SGCZ: variants seen among roughly 807,000 people sequenced by gnomAD.
The protein encoded by SGCZ is sarcoglycan zeta.
In SGCZ, 40 loss-of-function variants were observed where a neutral mutation model predicts 41.3. That is an observed-to-expected ratio of 0.97 (90% CI 0.75 to 1.26). The LOEUF (loss-of-function observed/expected upper bound fraction) is 1.26. Ranked by LOEUF, SGCZ falls within the 50% of genes most tolerant of loss-of-function variation. The probability of loss-of-function intolerance (pLI) is 0.00; values close to 1 mark genes in which losing one functional copy is unlikely to be tolerated. For synonymous variants in SGCZ, 206 were observed against 137.5 expected, an observed-to-expected ratio of 1.50 and a Z score of -3.49; for missense variants, 552 against 369.8, an observed-to-expected ratio of 1.49 and a Z score of -4.04.
intron 1 of SGCZ, among the ~76,000 whole-genome samples, chr8:14,802,527 T>C (rs575682256): frequency 3.3e-5 from 5 of 152,198 alleles, no homozygotes; most frequent in Non-Finnish European, 4.4e-5. Flanking sequence ...CACCATTTAA[T>C]TAAAATCAGT....
intron 7 of SGCZ, among the ~76,000 whole-genome samples, chr8:14,094,461 T>A (rs1801782756): frequency 6.6e-6 from 1 of 152,148 alleles, no homozygotes; most frequent in Non-Finnish European, 1.5e-5. Context: ...GCAAAGGACA[T>A]GAACTCATCC....
At chr8:14,153,062 G>A (rs1803758920) in intron 5 of SGCZ, among the ~76,000 whole-genome samples, 1 of 152,080 alleles carries the variant, frequency 6.6e-6, no homozygotes, top group Non-Finnish European at 1.5e-5. Context: ...AAAGACAAGG[G>A]ATGCCCACAG....
chr8:14,637,474 C>T (rs74579775), intron 1 of SGCZ, among the ~76,000 whole-genome samples: 16,734 of 151,768 alleles, frequency 0.11, 1,093 homozygotes, highest in African/African-American at 0.19. Flanking sequence ...TCTCTCCCTC[C>T]TACCTGCCTC....
intron 5 of SGCZ, among the ~76,000 whole-genome samples, chr8:14,133,212 A>G (rs937787836): frequency 3.3e-5 from 5 of 152,254 alleles, no homozygotes; most frequent in African/African-American, 9.6e-5. Context: ...AGCTTTCTCA[A>G]TCGCCCACCC....
rs192594961 is a variant in SGCZ, at chr8:15,030,972, T to C, written c.39+206613A>G. Among the ~76,000 whole-genome samples the C allele has an allele frequency of 1.6e-3, 238 of 152,248 alleles. 2 individuals are homozygous for C. In the Middle Eastern group the frequency reaches 0.027, roughly 17 times the overall value. On this transcript the variant is annotated intron_variant, in intron 1 of 7. Coordinates refer to ENST00000382080, the MANE Select transcript of SGCZ (RefSeq NM_139167.4). Reference sequence around the variant, plus strand: ...ACACCAATTTTTATTTTGGAGATTATATATGTAGACAAGTTTCCTGGAGGA... The same window carrying C: ...ACACCAATTTTTATTTTGGAGATTACATATGTAGACAAGTTTCCTGGAGGA...
At chr8:14,700,873 G>T (rs370450346) in intron 1 of SGCZ, among the ~76,000 whole-genome samples, 1 of 144,614 alleles carries the variant, frequency 6.9e-6, no homozygotes, top group South Asian at 2.3e-4. Flanking sequence ...TATTAAAGGA[G>T]GACTGAAAAA....
intron 1 of SGCZ, among the ~76,000 whole-genome samples, chr8:14,776,250 C>T (rs1800397512): frequency 6.6e-6 from 1 of 152,066 alleles, no homozygotes; most frequent in East Asian, 1.9e-4. Flanking sequence ...AATGGTGGGG[C>T]CACATGGAGA....
intron 1 of SGCZ, among the ~76,000 whole-genome samples, chr8:14,942,855 C>T (rs1042519352): frequency 8.6e-5 from 13 of 152,046 alleles, no homozygotes; most frequent in African/African-American, 2.7e-4. Context: ...CATCTTATTA[C>T]CCTCATTTCC....
At chr8:14,239,032 G>C (rs1806872781) in intron 3 of SGCZ, among the ~76,000 whole-genome samples, 1 of 150,164 alleles carries the variant, frequency 6.7e-6, no homozygotes, top group Non-Finnish European at 1.5e-5. Context: ...AAAAAGTCTA[G>C]TTTTTTTTTC....
chr8:14,896,526 G>T (rs896906930), intron 1 of SGCZ, among the ~76,000 whole-genome samples: 5 of 151,980 alleles, frequency 3.3e-5, no homozygotes, highest in Non-Finnish European at 5.9e-5. Flanking sequence ...ATCCAAGCTT[G>T]AGTGCAGCGG....
At chr8:15,060,025 G>A (rs534604216) in intron 1 of SGCZ, among the ~76,000 whole-genome samples, 3 of 152,144 alleles carry the variant, frequency 2.0e-5, no homozygotes, top group Non-Finnish European at 2.9e-5. Context: ...GCCATTCTCA[G>A]GGCTTTGTTT....
intron 1 of SGCZ, among the ~76,000 whole-genome samples, chr8:14,945,928 C>G (rs1353736055): frequency 7.1e-6 from 1 of 140,416 alleles, no homozygotes; most frequent in African/African-American, 2.7e-5. Flanking sequence ...TATTGGCATG[C>G]CAGATTGCAG....
At chr8:15,022,199 C>T (rs1440791792) in intron 1 of SGCZ, among the ~76,000 whole-genome samples, 3 of 152,052 alleles carry the variant, frequency 2.0e-5, no homozygotes, top group African/African-American at 4.8e-5. Context: ...TTTATACTTT[C>T]ATTTTGTTCA....
intron 1 of SGCZ, among the ~76,000 whole-genome samples, chr8:14,759,180 T>A (rs959384706): frequency 6.6e-6 from 1 of 152,008 alleles, no homozygotes; most frequent in Non-Finnish European, 1.5e-5. Context: ...AAAACACAAT[T>A]TACATCTATG....
intron 1 of SGCZ, among the ~76,000 whole-genome samples, chr8:14,846,948 T>C (rs1031017532): frequency 6.6e-6 from 1 of 152,018 alleles, no homozygotes; most frequent in Non-Finnish European, 1.5e-5. Context: ...GGCACATGCC[T>C]GTAATCCCAG....
chr8:14,919,690 G>A (rs1261283017), intron 1 of SGCZ, among the ~76,000 whole-genome samples: 1 of 152,166 alleles, frequency 6.6e-6, no homozygotes, highest in Non-Finnish European at 1.5e-5. Flanking sequence ...GGACGAGGCA[G>A]GCAGATCACT....
rs1043222337 is a variant in SGCZ, at chr8:15,110,274, G to T, written c.39+127311C>A. Among the ~76,000 whole-genome samples, 20 of 152,136 alleles carry T rather than the reference G, an allele frequency of 1.3e-4. 1 individual carries two copies. Among genetic ancestry groups the T allele is most frequent in the African/African-American group, 4.8e-4 (20 of 41,442 alleles). On this transcript the variant is annotated intron_variant, in intron 1 of 7. Transcript: ENST00000382080. ...CAGAACTCCACCATTGCATCAAAAA[G>T]ACTCTTACAGTGTCAGTATTATCTG...
chr8:15,006,869 C>T (rs1048565249), intron 1 of SGCZ, among the ~76,000 whole-genome samples: 6 of 152,142 alleles, frequency 3.9e-5, no homozygotes, highest in African/African-American at 9.7e-5. Context: ...CCTCTTTATA[C>T]ATTTTTGTAA....
intron 3 of SGCZ, among the ~76,000 whole-genome samples, chr8:14,255,570 G>C (rs765749115): frequency 1.3e-5 from 2 of 151,834 alleles, no homozygotes; most frequent in African/African-American, 2.4e-5. Flanking sequence ...AAAAGACAAA[G>C]TATAAATTTA....
Sources: gnomAD v4.1 joint callset for allele counts (sites outside exome capture counted in the v4.1 genomes callset) on GRCh38, gnomAD v4.1.1 for gene constraint, MANE v1.5 for transcripts, NCBI Gene and HGNC (gene_info 2026-07-23, HGNC 2026-07-21) for gene names.